Variants in COL24A1 observed in about 807,000 individuals in gnomAD.
COL24A1 encodes the protein collagen type XXIV alpha 1 chain.
Under a neutral mutation model 253.9 loss-of-function variants are expected in COL24A1, and 224 were observed. The ratio of observed to expected loss-of-function variants is 0.88; its 90% CI spans 0.79 to 0.99. COL24A1 has a LOEUF of 0.99. COL24A1 is among the 50% of genes least tolerant of loss of function. The probability of loss-of-function intolerance (pLI) is 0.00; values close to 1 mark genes in which losing one functional copy is unlikely to be tolerated. For missense variants in COL24A1, 2,131 were observed against 2,068.5 expected (o/e 1.03, Z -0.59); for synonymous variants, 685 against 673.7 (o/e 1.02, Z -0.26).
At chr1:85,860,869 T>C (rs1476113050) in intron 37 of COL24A1, among the ~76,000 whole-genome samples, 1 of 152,274 alleles carries the variant, frequency 6.6e-6, no homozygotes, top group South Asian at 2.1e-4. Flanking sequence ...TTCCTTTTTA[T>C]TGTCAAATAA....
intron 7 of COL24A1, among the ~76,000 whole-genome samples, chr1:86,065,521 T>C (rs981551800): frequency 1.2e-4 from 19 of 152,172 alleles, no homozygotes; most frequent in African/African-American, 1.9e-4. Context: ...ATCTGTTTTT[T>C]ATGAACTTAC....
chr1:86,059,207 A>G (rs758826812), intron 8 of COL24A1, 33 bp from the exon 9 acceptor site: 2 of 1,503,410 alleles, frequency 1.3e-6, no homozygotes, highest in Non-Finnish European at 1.8e-6. Flanking sequence ...CAGTATAGCA[A>G]AGCCAAAGGA....
intron 47 of COL24A1, among the ~76,000 whole-genome samples, chr1:85,808,286 G>C (rs1672186973): frequency 6.6e-6 from 1 of 152,178 alleles, no homozygotes; most frequent in South Asian, 2.1e-4. Flanking sequence ...TCATGTGTTT[G>C]GCTAGAGCAA....
At chr1:85,754,868 A>G (rs1328474176) in intron 55 of COL24A1, among the ~76,000 whole-genome samples, 3 of 152,122 alleles carry the variant, frequency 2.0e-5, no homozygotes, top group African/African-American at 7.2e-5. Flanking sequence ...GCATGATGAG[A>G]GTCTCAGAAG....
intron 5 of COL24A1, among the ~76,000 whole-genome samples, chr1:86,102,343 G>T (rs1704544110): frequency 6.6e-6 from 1 of 151,926 alleles, no homozygotes; most frequent in South Asian, 2.1e-4. Context: ...CCAGTTCCAG[G>T]ATTTGTTGAT....
At chr1:85,821,937 G>T (rs75347174) in intron 45 of COL24A1, among the ~76,000 whole-genome samples, 1 of 152,088 alleles carries the variant, frequency 6.6e-6, no homozygotes, top group Non-Finnish European at 1.5e-5. Context: ...AGATACTTTC[G>T]GATCAAATGT....
chr1:85,851,719 T>C (rs1244280439), intron 37 of COL24A1, among the ~76,000 whole-genome samples: 2 of 152,202 alleles, frequency 1.3e-5, no homozygotes, highest in Non-Finnish European at 2.9e-5. Context: ...GACATCTATA[T>C]CTCTATGTGA....
intron 4 of COL24A1, among the ~76,000 whole-genome samples, chr1:86,114,948 T>G (rs78247873): frequency 2.6e-3 from 396 of 152,284 alleles, no homozygotes; most frequent in East Asian, 0.017. Context: ...AATTTTCCAC[T>G]ATGTAATCCA....
chr1:86,112,713 T>C, intron 4 of COL24A1, 93 bp from the exon 5 acceptor site: 1 of 1,168,426 alleles, frequency 8.6e-7, no homozygotes, highest in East Asian at 2.5e-5. Flanking sequence ...TGTGATCCCT[T>C]TAAGCACTTG....
intron 3 of COL24A1, among the ~76,000 whole-genome samples, chr1:86,118,349 C>G (rs1011664273): frequency 6.6e-6 from 1 of 152,156 alleles, no homozygotes; most frequent in Admixed American, 6.5e-5. Flanking sequence ...AGGCGTGAGC[C>G]ACTGTGCCTG....
In COL24A1 at chr1:86,046,811, A is replaced by G. The variant is rs1415234002; in HGVS notation, c.1950+14T>C. The G allele has an allele frequency of 6.2e-7, 1 of 1,611,768 alleles. No homozygotes were observed. The highest frequency in any genetic ancestry group is 8.5e-7 in the Non-Finnish European group (1 of 1,178,242). The stretch of plus-strand genomic sequence containing the variant: ...TGCTGTAAAATAAACCTCAAAAAAC[A>G]CAAATTAAGATACCTGTCTCCCCTT... On this transcript the variant is annotated intron_variant, in intron 12 of 59. Coordinates refer to ENST00000370571, the MANE Select transcript of COL24A1 (RefSeq NM_152890.7).
At chr1:86,123,286 A>G (rs576256165) in intron 3 of COL24A1, among the ~76,000 whole-genome samples, 1 of 151,948 alleles carries the variant, frequency 6.6e-6, no homozygotes, top group Non-Finnish European at 1.5e-5. Flanking sequence ...ACAAGATCTT[A>G]TTCTGAATAG....
At chr1:85,803,423 C>T (rs572690547) in intron 47 of COL24A1, among the ~76,000 whole-genome samples, 1 of 92,054 alleles carries the variant, frequency 1.1e-5, no homozygotes, top group African/African-American at 3.1e-5. Context: ...GAGCAAGACT[C>T]CATCTCAAAA....
chr1:86,043,169 AT>A, intron 12 of COL24A1, among the ~76,000 whole-genome samples: 1 of 152,308 alleles, frequency 6.6e-6, no homozygotes, highest in Middle Eastern at 3.4e-3. Flanking sequence ...TTCTCTAAAA[AT>A]ATCTACTATT....
chr1:85,956,021 G>A (rs1690426623), intron 24 of COL24A1, among the ~76,000 whole-genome samples: 1 of 152,176 alleles, frequency 6.6e-6, no homozygotes, highest in Non-Finnish European at 1.5e-5. Context: ...TGCACTTCAA[G>A]TTTAAAAACA....
At chr1:85,745,797 A>T (rs1222289660) in intron 55 of COL24A1, among the ~76,000 whole-genome samples, 1 of 152,164 alleles carries the variant, frequency 6.6e-6, no homozygotes, top group Non-Finnish European at 1.5e-5. Flanking sequence ...CACACACACA[A>T]AGTTCCTCAA....
chr1:85,930,050 A>G (rs1291306338), intron 24 of COL24A1, among the ~76,000 whole-genome samples: 1 of 66,178 alleles, frequency 1.5e-5, no homozygotes, highest in East Asian at 5.1e-4. Context: ...AAACACATTC[A>G]AAAGCTAGCA....
chr1:86,128,652 A>G (rs1648691178), intron 2 of COL24A1, among the ~76,000 whole-genome samples: 1 of 151,964 alleles, frequency 6.6e-6, no homozygotes, highest in Non-Finnish European at 1.5e-5. Context: ...TTTAAAAAGC[A>G]TATGTGTGTT....
intron 35 of COL24A1, among the ~76,000 whole-genome samples, chr1:85,869,090 ATAAT>A (rs749093853): frequency 5.9e-5 from 9 of 152,124 alleles, no homozygotes; most frequent in Non-Finnish European, 1.2e-4. Context: ...TAAATTTTAG[ATAAT>A]TAAAGTAATA....
Sources: gnomAD v4.1 joint callset for allele counts (sites outside exome capture counted in the v4.1 genomes callset) on GRCh38, gnomAD v4.1.1 for gene constraint, MANE v1.5 for transcripts, NCBI Gene and HGNC (gene_info 2026-07-23, HGNC 2026-07-21) for gene names.